PIK3CB: variants seen among roughly 807,000 people sequenced by gnomAD.
PIK3CB encodes the protein phosphatidylinositol 4,5-bisphosphate 3-kinase catalytic subunit beta isoform.
PIK3CB carries 39 observed loss-of-function variants against 136.8 expected under a neutral mutation model. The observed-to-expected ratio is 0.29, with a 90% confidence interval of 0.22 to 0.37. The LOEUF (loss-of-function observed/expected upper bound fraction) is 0.37, where lower values mean the gene tolerates loss of function less well. PIK3CB is among the 10% of genes least tolerant of loss of function. The pLI is 1.00. For missense variants in PIK3CB, 868 were observed against 1,275.4 expected (o/e 0.68, Z 4.87); for synonymous variants, 428 against 436.6 (o/e 0.98, Z 0.25).
intron 13 of PIK3CB, among the ~76,000 whole-genome samples, chr3:138,695,169 T>C (rs911302779): frequency 9.9e-5 from 15 of 152,212 alleles, no homozygotes; most frequent in African/African-American, 3.6e-4. Flanking sequence ...AATGTTGAAT[T>C]TGTAGCCTTT....
intron 16 of PIK3CB, among the ~76,000 whole-genome samples, chr3:138,687,737 G>T (rs1432430778): frequency 6.6e-6 from 1 of 152,178 alleles, no homozygotes; most frequent in Non-Finnish European, 1.5e-5. Context: ...TTTCAGGTGT[G>T]AGCCACTGCA....
intron 19 of PIK3CB, among the ~76,000 whole-genome samples, chr3:138,668,269 C>A (rs2043456908): frequency 6.6e-6 from 1 of 152,098 alleles, no homozygotes; most frequent in Non-Finnish European, 1.5e-5. Context: ...CACTTTCCTG[C>A]ATCTCCTCTC....
intron 8 of PIK3CB, among the ~76,000 whole-genome samples, chr3:138,725,208 T>C (rs1160844296): frequency 1.3e-5 from 2 of 152,166 alleles, no homozygotes; most frequent in Non-Finnish European, 2.9e-5. Context: ...ATGTTTAAGA[T>C]TAAAGATACA....
At chr3:138,832,390 C>T (rs1198677190) in intron 1 of PIK3CB, among the ~76,000 whole-genome samples, 3 of 151,930 alleles carry the variant, frequency 2.0e-5, no homozygotes, top group African/African-American at 7.3e-5. Flanking sequence ...CCAGTTTAAA[C>T]CTTTAAGATT....
intron 2 of PIK3CB, among the ~76,000 whole-genome samples, chr3:138,764,223 A>G (rs2108747751): frequency 6.6e-6 from 1 of 151,942 alleles, no homozygotes; most frequent in East Asian, 1.9e-4. Context: ...CCAAGGCAGG[A>G]GGACTGCTTG....
chr3:138,663,151 A>G (rs1465501120), intron 21 of PIK3CB, among the ~76,000 whole-genome samples: 2 of 152,148 alleles, frequency 1.3e-5, no homozygotes, highest in Non-Finnish European at 2.9e-5. Flanking sequence ...AATTTTCGCA[A>G]CCTACTCATC....
At chr3:138,825,935 G>A (rs781523426) in intron 1 of PIK3CB, 400 of 1,557,474 alleles carry the variant, frequency 2.6e-4, no homozygotes, top group Non-Finnish European at 3.1e-4. Context: ...CAGCAAAAAT[G>A]ACCCACCAAT....
intron 8 of PIK3CB, among the ~76,000 whole-genome samples, chr3:138,717,138 C>T (rs900445996): frequency 2.6e-5 from 4 of 151,094 alleles, no homozygotes; most frequent in African/African-American, 9.7e-5. Context: ...CCTGCAGTCC[C>T]AGCTACTCAG....
intron 1 of PIK3CB, among the ~76,000 whole-genome samples, chr3:138,828,890 C>T (rs1396842555): frequency 6.6e-6 from 1 of 151,966 alleles, no homozygotes; most frequent in African/African-American, 2.4e-5. Flanking sequence ...CAGGTTCAAC[C>T]GATTCTCCTG....
At chr3:138,794,819 A>C (rs1194181500) in intron 2 of PIK3CB, among the ~76,000 whole-genome samples, 1 of 152,180 alleles carries the variant, frequency 6.6e-6, no homozygotes, top group Non-Finnish European at 1.5e-5. Context: ...GAAATGCTCA[A>C]GTTCCTGATA....
At chr3:138,764,318 G>A (rs1559869245) in intron 2 of PIK3CB, among the ~76,000 whole-genome samples, 1 of 151,730 alleles carries the variant, frequency 6.6e-6, no homozygotes. Flanking sequence ...AAGAGTTGTG[G>A]CATGCACCTG....
chr3:138,781,200 G>A (rs1184851436), intron 2 of PIK3CB, among the ~76,000 whole-genome samples: 2 of 151,536 alleles, frequency 1.3e-5, no homozygotes, highest in Admixed American at 1.3e-4. Flanking sequence ...GTTGAGGTGA[G>A]AGAATTGCTC....
At chr3:138,655,608 G>A (rs1280836831) in intron 23 of PIK3CB, 82 bp from the exon 24 acceptor site, 2 of 1,082,546 alleles carry the variant, frequency 1.8e-6, no homozygotes, top group Non-Finnish European at 2.8e-6. Flanking sequence ...AGGCTGGATT[G>A]GTTGTGCCTC....
At chr3:138,745,618 G>A (rs1352025592) in intron 4 of PIK3CB, among the ~76,000 whole-genome samples, 1 of 152,014 alleles carries the variant, frequency 6.6e-6, no homozygotes, top group East Asian at 1.9e-4. Flanking sequence ...GGGCGATGAA[G>A]TGAGACCCCA....
intron 2 of PIK3CB, among the ~76,000 whole-genome samples, chr3:138,792,500 A>C (rs2046063707): frequency 6.6e-6 from 1 of 152,206 alleles, no homozygotes; most frequent in Admixed American, 6.5e-5. Flanking sequence ...CAGCCTCCCA[A>C]GTAGGCGGAA....
chr3:138,783,612 G>GA (rs553739909), intron 2 of PIK3CB, among the ~76,000 whole-genome samples: 72 of 152,208 alleles, frequency 4.7e-4, no homozygotes, highest in Admixed American at 1.2e-3. Flanking sequence ...GACAATGTAA[G>GA]ACAGGAAATT....
At chr3:138,686,435 T>A (rs2043894577) in intron 16 of PIK3CB, among the ~76,000 whole-genome samples, 1 of 151,948 alleles carries the variant, frequency 6.6e-6, no homozygotes, top group Admixed American at 6.6e-5. Flanking sequence ...TGAGACTCCA[T>A]CACAAAAAAT....
chr3:138,709,650 A>G (rs1366180351), intron 10 of PIK3CB, among the ~76,000 whole-genome samples: 2 of 152,192 alleles, frequency 1.3e-5, no homozygotes, highest in East Asian at 3.8e-4. Context: ...CACATGCAGA[A>G]CTAATGTGTT....
intron 2 of PIK3CB, among the ~76,000 whole-genome samples, chr3:138,789,748 T>C (rs972763703): frequency 3.9e-5 from 6 of 152,004 alleles, no homozygotes; most frequent in African/African-American, 1.2e-4. Context: ...GGCTGGAGTT[T>C]AGTGGTGTGA....
Sources: allele counts gnomAD v4.1 joint callset (sites outside exome capture counted in the v4.1 genomes callset), GRCh38; gene constraint gnomAD v4.1.1; transcripts MANE v1.5; gene names NCBI Gene and HGNC (gene_info 2026-07-23, HGNC 2026-07-21).